MTUS2: variants seen among roughly 807,000 people sequenced by gnomAD.
MTUS2 encodes the protein microtubule-associated tumor suppressor candidate 2.
MTUS2 carries 40 observed loss-of-function variants against 114.1 expected under a neutral mutation model. The observed-to-expected ratio is 0.35, with a 90% CI of 0.27 to 0.46. The LOEUF is 0.46. Ranked by LOEUF, MTUS2 falls within the 20% of genes least tolerant of loss-of-function variation. The pLI is 1.00. For synonymous variants in MTUS2, 688 were observed against 672.0 expected (o/e 1.02, Z -0.37); for missense variants, 1,679 against 1,705.4 (o/e 0.98, Z 0.27).
chr13:28,835,422 G>T (rs1055288945), intron 1 of MTUS2, among the ~76,000 whole-genome samples: 1 of 150,670 alleles, frequency 6.6e-6, no homozygotes, highest in Non-Finnish European at 1.5e-5. Context: ...CCTGTTATAT[G>T]ATTCTGTTTA....
chr13:29,236,528 G>A (rs1416825500), intron 5 of MTUS2, among the ~76,000 whole-genome samples: 2 of 152,226 alleles, frequency 1.3e-5, no homozygotes, highest in African/African-American at 4.8e-5. Context: ...GTGGTGAAAG[G>A]CAACCATGCA....
Position 29,501,156 on chromosome 13 carries a change from C to T in MTUS2, c.3858C>T (p.Asp1286=). 2 of 1,614,124 alleles carry T rather than the reference C, an allele frequency of 1.2e-6. No individual in the cohort carries two copies. Among genetic ancestry groups the T allele is most frequent in the Non-Finnish European group, 1.7e-6 (2 of 1,180,008 alleles). ...KIQVLQQQNE[D]LKARIDQNTV... ...AGGTTCTCCAACAGCAGAACGAAGA[C>T]CTCAAAGCAAGGATTGACCAAAACA... The change falls in exon 15 of 16, where the codon GAC becomes GAT. Residue 1286 remains aspartate, a synonymous_variant. Transcript: ENST00000612955.
At chr13:29,217,215 T>G (rs1354842904) in intron 5 of MTUS2, among the ~76,000 whole-genome samples, 1 of 152,150 alleles carries the variant, frequency 6.6e-6, no homozygotes, top group Non-Finnish European at 1.5e-5. Context: ...TAGTATTTTA[T>G]GTATTTTTAA....
intron 2 of MTUS2, among the ~76,000 whole-genome samples, chr13:28,882,424 A>G (rs945633437): frequency 1.3e-5 from 2 of 152,182 alleles, no homozygotes; most frequent in African/African-American, 4.8e-5. Flanking sequence ...CATGGCCCAT[A>G]AAGGAAAACA....
chr13:28,865,034 C>G (rs1416693042), intron 2 of MTUS2, among the ~76,000 whole-genome samples: 3 of 152,086 alleles, frequency 2.0e-5, no homozygotes, highest in Non-Finnish European at 2.9e-5. Context: ...AAAATTCTTT[C>G]AAGTGACTGC....
intron 4 of MTUS2, among the ~76,000 whole-genome samples, chr13:29,085,486 G>A (rs1232654784): frequency 1.3e-5 from 2 of 152,100 alleles, no homozygotes; most frequent in Non-Finnish European, 2.9e-5. Context: ...CCACCTTTGT[G>A]TCCATATGTA....
chr13:28,939,175 T>G (rs1566237658), intron 2 of MTUS2, among the ~76,000 whole-genome samples: 1 of 152,226 alleles, frequency 6.6e-6, no homozygotes, highest in Admixed American at 6.5e-5. Context: ...AGTTTTCTCT[T>G]TTGGGCCGGA....
At chr13:29,100,013 CTAACA>C (rs1566008090) in intron 4 of MTUS2, among the ~76,000 whole-genome samples, 4 of 152,146 alleles carry the variant, frequency 2.6e-5, no homozygotes, top group Admixed American at 2.0e-4. Flanking sequence ...GAAGTTTGGA[CTAACA>C]TAACAGATAG....
At chr13:29,469,932 T>C (rs1174269678) in intron 9 of MTUS2, among the ~76,000 whole-genome samples, 1 of 152,014 alleles carries the variant, frequency 6.6e-6, no homozygotes, top group Non-Finnish European at 1.5e-5. Flanking sequence ...AGTCATCCAG[T>C]TTGGGGTCTG....
intron 4 of MTUS2, among the ~76,000 whole-genome samples, chr13:29,059,228 A>ATTTTTTTTTTTTT (rs35369352): frequency 8.2e-5 from 8 of 97,128 alleles, no homozygotes; most frequent in Non-Finnish European, 1.2e-4. Context: ...TATTCTTTGG[A>ATTTTTTTTTTTTT]TTTTTTTTTT....
chr13:29,129,182 T>G (rs947132550), intron 5 of MTUS2, among the ~76,000 whole-genome samples: 1 of 129,554 alleles, frequency 7.7e-6, no homozygotes, highest in Non-Finnish European at 1.6e-5. Flanking sequence ...TGTTTTCCCC[T>G]GGCAGTCTTT....
At chr13:29,196,237 C>G (rs545372721) in intron 5 of MTUS2, among the ~76,000 whole-genome samples, 1 of 152,016 alleles carries the variant, frequency 6.6e-6, no homozygotes, top group East Asian at 1.9e-4. Flanking sequence ...GCTGGGATTA[C>G]AGGCACCTGC....
At position 29,391,876 on chromosome 13, in the gene MTUS2, A is replaced by G. The variant is rs575485286; in HGVS notation, c.3117+32403A>G. Reference sequence around the variant, plus strand: ...CCTTTGGCCGGGCGCAGTGGCTCACACCTATAATAGCACTTTGGGAGGCTG... The same window carrying G: ...CCTTTGGCCGGGCGCAGTGGCTCACGCCTATAATAGCACTTTGGGAGGCTG... On this transcript the variant is annotated intron_variant, in intron 8 of 15. Coordinates refer to ENST00000612955, the MANE Select transcript of MTUS2 (RefSeq NM_001033602.4). Among the ~76,000 whole-genome samples the G allele has an allele frequency of 5.3e-5, 8 of 151,942 alleles. No homozygotes were observed. The East Asian group carries it at 1.6e-3, about 29-fold the overall frequency.
At chr13:29,222,568 A>G (rs1895950066) in intron 5 of MTUS2, among the ~76,000 whole-genome samples, 1 of 152,240 alleles carries the variant, frequency 6.6e-6, no homozygotes, top group African/African-American at 2.4e-5. Flanking sequence ...AGACGCTGCC[A>G]TGATGCCAGC....
Position 29,414,378 on chromosome 13 carries a change from C to T in MTUS2, c.3118-25605C>T, listed in dbSNP as rs553745868. On this transcript the variant is annotated intron_variant, in intron 8 of 15. Transcript: ENST00000612955. ...CTAGATGACACGTTAGTGGGTGCAG[C>T]GCACCAGCATGGCACATGTATACAT... 2.3e-4 allele frequency among the ~76,000 whole-genome samples: 26 copies of T among 113,020 alleles called. No homozygotes were observed. In the South Asian group the frequency reaches 7.4e-3, roughly 32 times the overall value. 74.1% of individuals were successfully genotyped at this position (113,020 alleles called of 152,430 possible). A position where few individuals can be genotyped will look rare whatever the true frequency, so the allele number is the denominator to read the frequency against.
intron 8 of MTUS2, among the ~76,000 whole-genome samples, chr13:29,410,644 G>C (rs1019339269): frequency 1.3e-5 from 2 of 152,094 alleles, no homozygotes; most frequent in Non-Finnish European, 2.9e-5. Flanking sequence ...CCCTTTATCT[G>C]TGACACATGG....
intron 5 of MTUS2, among the ~76,000 whole-genome samples, chr13:29,166,465 C>A (rs1893321854): frequency 6.6e-6 from 1 of 152,196 alleles, no homozygotes; most frequent in Admixed American, 6.5e-5. Context: ...AGGCTTCTTG[C>A]TTCTGTGGAT....
chr13:29,411,021 G>T (rs1416333425), intron 8 of MTUS2, among the ~76,000 whole-genome samples: 1 of 152,064 alleles, frequency 6.6e-6, no homozygotes, highest in African/African-American at 2.4e-5. Context: ...TAGTAGAGGT[G>T]GGGTTTCGCC....
chr13:28,908,564 C>T lies in MTUS2; in HGVS notation c.-243+68714C>T, dbSNP rs541176751. On this transcript the variant is annotated intron_variant, in intron 2 of 15. Coordinates refer to ENST00000612955, the MANE Select transcript of MTUS2 (RefSeq NM_001033602.4). ...CATTGTTGGACATTTGGGTTGGTTCCAAGTCTTTGCTATTGTGAATAGTGC... is the reference window on the plus strand; with the variant it reads ...CATTGTTGGACATTTGGGTTGGTTCTAAGTCTTTGCTATTGTGAATAGTGC... 5.1e-4 allele frequency among the ~76,000 whole-genome samples: 77 copies of T among 151,458 alleles called. 3 individuals carry two copies. The South Asian group carries it at 0.016, about 32-fold the overall frequency.
Sources: gnomAD v4.1 joint callset for allele counts (sites outside exome capture counted in the v4.1 genomes callset) on GRCh38, gnomAD v4.1.1 for gene constraint, MANE v1.5 for transcripts, NCBI Gene and HGNC (gene_info 2026-07-23, HGNC 2026-07-21) for gene names.